FAM184B: variants seen among roughly 807,000 people sequenced by gnomAD.
FAM184B encodes the protein protein FAM184B.
Under a neutral mutation model 135.9 loss-of-function variants are expected in FAM184B, and 111 were observed. The observed-to-expected ratio is 0.82, with a 90% CI of 0.70 to 0.96. FAM184B has a LOEUF of 0.96. FAM184B is among the 40% of genes least tolerant of loss of function. FAM184B has a pLI of 0.00. For synonymous variants in FAM184B, 552 were observed against 524.8 expected (o/e 1.05, Z -0.71); for missense variants, 1,375 against 1,323.9 (o/e 1.04, Z -0.60).
chr4:17,652,597 C>T (rs1715650433), intron 11 of FAM184B, among the ~76,000 whole-genome samples: 1 of 152,146 alleles, frequency 6.6e-6, no homozygotes, highest in South Asian at 2.1e-4. Flanking sequence ...ATTCCTGGAG[C>T]CCTGGCCTGT....
intron 1 of FAM184B, among the ~76,000 whole-genome samples, chr4:17,729,071 G>C (rs1004259257): frequency 6.6e-6 from 1 of 152,168 alleles, no homozygotes; most frequent in Non-Finnish European, 1.5e-5. Context: ...TTTCCAACAG[G>C]CTTAAAAAAC....
chr4:17,768,478 T>A (rs1409093189), intron 1 of FAM184B, among the ~76,000 whole-genome samples: 2 of 152,236 alleles, frequency 1.3e-5, no homozygotes, highest in Non-Finnish European at 2.9e-5. Context: ...TGTCACCATA[T>A]TGGTCAGGCG....
At chr4:17,673,083 A>C (rs1047243625) in intron 7 of FAM184B, among the ~76,000 whole-genome samples, 12 of 152,230 alleles carry the variant, frequency 7.9e-5, no homozygotes, top group Non-Finnish European at 1.3e-4. Context: ...TTAGCAAGAA[A>C]AAAACAAACA....
intron 1 of FAM184B, among the ~76,000 whole-genome samples, chr4:17,768,913 C>T (rs1404214409): frequency 6.6e-6 from 1 of 152,044 alleles, no homozygotes. Context: ...AAGCGATTCT[C>T]CTGCCTCAGC....
At chr4:17,690,594 T>C (rs1257672013) in intron 6 of FAM184B, among the ~76,000 whole-genome samples, 1 of 152,228 alleles carries the variant, frequency 6.6e-6, no homozygotes, top group Non-Finnish European at 1.5e-5. Context: ...ACAGCAAGGC[T>C]ATCGGAAAGT....
chr4:17,682,601 C>T (rs1157173170), intron 7 of FAM184B, among the ~76,000 whole-genome samples: 3 of 152,136 alleles, frequency 2.0e-5, no homozygotes, highest in Non-Finnish European at 4.4e-5. Flanking sequence ...CAGGTCCTAG[C>T]GGTTCTCGTG....
At chr4:17,656,641 G>A (rs1715783579) in intron 10 of FAM184B, among the ~76,000 whole-genome samples, 1 of 152,114 alleles carries the variant, frequency 6.6e-6, no homozygotes, top group Non-Finnish European at 1.5e-5. Flanking sequence ...GCCTCAAGTG[G>A]TCTGTTCATC....
At chr4:17,727,573 C>G (rs1446714981) in intron 1 of FAM184B, among the ~76,000 whole-genome samples, 1 of 152,166 alleles carries the variant, frequency 6.6e-6, no homozygotes, top group Non-Finnish European at 1.5e-5. Flanking sequence ...GGAAAGCAGG[C>G]AACTTCTTCA....
At chr4:17,741,677 A>C (rs539147268) in intron 1 of FAM184B, among the ~76,000 whole-genome samples, 45 of 152,300 alleles carry the variant, frequency 3.0e-4, no homozygotes, top group African/African-American at 1.0e-3. Context: ...TGGGCAACAG[A>C]GCAAGACTCC....
intron 1 of FAM184B, among the ~76,000 whole-genome samples, chr4:17,769,777 G>C (rs1195023317): frequency 6.6e-6 from 1 of 152,150 alleles, no homozygotes; most frequent in African/African-American, 2.4e-5. Context: ...GGTTCACTTA[G>C]TCTATCAACA....
intron 1 of FAM184B, among the ~76,000 whole-genome samples, chr4:17,751,937 C>T (rs6857036): frequency 0.021 from 3,076 of 144,226 alleles, 93 homozygotes; most frequent in African/African-American, 0.075. Flanking sequence ...CAGGAACCCA[C>T]GGAATAAGAA....
intron 12 of FAM184B, among the ~76,000 whole-genome samples, chr4:17,644,094 G>A (rs1715398747): frequency 6.6e-6 from 1 of 152,214 alleles, no homozygotes; most frequent in South Asian, 2.1e-4. Context: ...GAAGGCCAAA[G>A]GGAGGGTGCA....
rs372117446 is a variant in FAM184B, at chr4:17,709,313, T to C, written c.473A>G (p.Tyr158Cys). 1.8e-5 allele frequency: 28 copies of C among 1,550,058 alleles called. No homozygotes were observed. In the African/African-American group the frequency reaches 3.6e-4, roughly 20 times the overall value. ...CGTCAGGTGCTGGAGCCTCCTCTCG[T>C]AGTCAGCCTTGAGCTCCAGCATTTC... ...SREMLELKADYERRLQHLTSH... is the reference protein window; with the variant it reads ...SREMLELKADCERRLQHLTSH... Residue 158 changes from tyrosine (Y) to cysteine (C), a missense_variant, in exon 2 of 18, where the codon TAC (tyrosine) becomes TGC (cysteine). Transcript: ENST00000265018.
chr4:17,719,648 C>A lies in FAM184B; in HGVS notation c.142-10004G>T, dbSNP rs565812616. On this transcript the variant is annotated intron_variant, in intron 1 of 17. Transcript: ENST00000265018. ...GTGGATCACTCCTATCAATACATAA[C>A]TGTGCTGTAATTTTTATCATGAACA... 5.5e-4 allele frequency among the ~76,000 whole-genome samples: 84 copies of A among 152,338 alleles called. 1 individual carries two copies. Among genetic ancestry groups the A allele is most frequent in the Admixed American group, 2.5e-3 (38 of 15,298 alleles).
chr4:17,766,079 C>G (rs752933230), intron 1 of FAM184B, among the ~76,000 whole-genome samples: 1 of 152,198 alleles, frequency 6.6e-6, no homozygotes, highest in Non-Finnish European at 1.5e-5. Context: ...AAAGAGTAAG[C>G]CACAGGAAGA....
At chr4:17,647,840 G>A in intron 11 of FAM184B, 49 bp from the exon 12 acceptor site, 3 of 1,520,352 alleles carry the variant, frequency 2.0e-6, no homozygotes, top group Non-Finnish European at 2.7e-6. Flanking sequence ...CTAGGCTGAA[G>A]CCTGTGTCAT....
At chr4:17,687,335 GTTT>G (rs1375011264) in intron 7 of FAM184B, among the ~76,000 whole-genome samples, 1 of 152,204 alleles carries the variant, frequency 6.6e-6, no homozygotes, top group East Asian at 1.9e-4. Context: ...AAGGCCGTGA[GTTT>G]TTTATGGCTC....
chr4:17,725,349 G>A (rs1717615317), intron 1 of FAM184B, among the ~76,000 whole-genome samples: 1 of 152,196 alleles, frequency 6.6e-6, no homozygotes, highest in Non-Finnish European at 1.5e-5. Context: ...TTTACGCAGT[G>A]CTGCCTGGGA....
Position 17,781,596 on chromosome 4 carries a change from T to G in FAM184B, c.-297A>C. 10 of 322,676 alleles carry G rather than the reference T, an allele frequency of 3.1e-5. No homozygotes were observed. Among genetic ancestry groups the G allele is most frequent in the South Asian group, 5.5e-5 (1 of 18,056 alleles). The allele number at this position is 322,676 out of a possible 1,614,324, so 20.0% of individuals were successfully genotyped here. On this transcript the variant is annotated 5_prime_UTR_variant, in exon 1 of 18. Coordinates refer to ENST00000265018, the MANE Select transcript of FAM184B (RefSeq NM_015688.2). This position sits in a 1 kb window ranked among gnomAD's most constrained non-coding sequence, Gnocchi z 6.5. ...CGTGCCGCTGGCGATCAGTCTGCAG[T>G]TCCCCAGCCAGTGCAGGTTTCGTGT...
Sources: gnomAD v4.1 joint callset for allele counts (sites outside exome capture counted in the v4.1 genomes callset) on GRCh38, gnomAD v4.1.1 for gene constraint, Gnocchi (gnomAD v3.1) non-coding constraint, MANE v1.5 for transcripts, NCBI Gene and HGNC (gene_info 2026-07-23, HGNC 2026-07-21) for gene names.